Variants in TMEFF1 observed in about 807,000 individuals in gnomAD.
TMEFF1 encodes the protein transmembrane protein with EGF like and two follistatin like domains 1.
TMEFF1 carries 20 observed loss-of-function variants against 47.5 expected under a neutral mutation model. The ratio of observed to expected loss-of-function variants is 0.42; its 90% CI spans 0.30 to 0.61. The LOEUF (loss-of-function observed/expected upper bound fraction) is 0.61, where lower values mean the gene tolerates loss of function less well. Among genes scored for constraint, TMEFF1 ranks in the 20% least tolerant of loss-of-function variants. TMEFF1 has a pLI of 0.19. For missense variants in TMEFF1, 411 were observed against 471.1 expected (o/e 0.87, Z 1.18); for synonymous variants, 162 against 166.3 (o/e 0.97, Z 0.20).
At chr9:100,532,627 T>G (rs1284723197) in intron 5 of TMEFF1, among the ~76,000 whole-genome samples, 8 of 151,682 alleles carry the variant, frequency 5.3e-5, no homozygotes, top group Non-Finnish European at 8.9e-5. Context: ...GGAACACTTT[T>G]ACACTGTTGG....
At chr9:100,474,150 G>A (rs1465083271) in intron 1 of TMEFF1, among the ~76,000 whole-genome samples, 1 of 150,680 alleles carries the variant, frequency 6.6e-6, no homozygotes, top group Non-Finnish European at 1.5e-5. Context: ...TGTGCAGAGT[G>A]CGGTGGGTGG....
intron 1 of TMEFF1, among the ~76,000 whole-genome samples, chr9:100,486,083 AT>A (rs1837443027): frequency 6.8e-6 from 1 of 147,204 alleles, no homozygotes; most frequent in East Asian, 2.0e-4. Context: ...TTTTCCATGG[AT>A]TAAAAAAGGG....
chr9:100,561,602 C>A, intron 8 of TMEFF1, 82 bp downstream of exon 8: 1 of 1,401,250 alleles, frequency 7.1e-7, no homozygotes, highest in Admixed American at 2.6e-5. Context: ...GAAATGTAGA[C>A]TAAATATTAC....
At chr9:100,536,105 A>T (rs1381478895) in intron 5 of TMEFF1, among the ~76,000 whole-genome samples, 2 of 152,232 alleles carry the variant, frequency 1.3e-5, no homozygotes, top group African/African-American at 4.8e-5. Flanking sequence ...GCTCTCTCAA[A>T]TGTAGCAGTG....
rs1839084740 is a variant in TMEFF1, at chr9:100,564,510, G to A, written c.899+2990G>A. On this transcript the variant is annotated intron_variant, in intron 8 of 9. Transcript: ENST00000374879. ...AAAAAGCATACAACCTGGTGAAAGA[G>A]ACCGACAAATAAGTAATTATAATAT... is the stretch of plus-strand genomic sequence containing the variant. Among the ~76,000 whole-genome samples, 3 of 152,194 alleles carry A rather than the reference G, an allele frequency of 2.0e-5. No homozygotes were observed. The South Asian group carries it at 6.2e-4, about 32-fold the overall frequency.
At chr9:100,558,416 G>T (rs1838956174) in intron 7 of TMEFF1, among the ~76,000 whole-genome samples, 1 of 151,952 alleles carries the variant, frequency 6.6e-6, no homozygotes, top group South Asian at 2.1e-4. Flanking sequence ...GCCTGATTGG[G>T]AATGTAGAGT....
chr9:100,521,175 C>A (rs1438239171), intron 5 of TMEFF1, among the ~76,000 whole-genome samples: 1 of 152,154 alleles, frequency 6.6e-6, no homozygotes, highest in East Asian at 1.9e-4. Context: ...GAACTTTATT[C>A]ATTGTATGTG....
In TMEFF1 at chr9:100,473,827, A is replaced by G. The variant is rs1837167606; in HGVS notation, c.196+87A>G. On this transcript the variant is annotated intron_variant, in intron 1 of 9. Coordinates refer to ENST00000374879, the MANE Select transcript of TMEFF1 (RefSeq NM_003692.5). This position sits in a 1 kb window ranked among gnomAD's most constrained non-coding sequence, Gnocchi z 5.4. ...TCCCTGCGGTCGGCCGGGCTGGGAA[A>G]GACCCCGTCGTGGGGGTCCCAGGGG... The G allele has an allele frequency of 1.5e-6, 2 of 1,366,966 alleles. No homozygotes were observed. Among genetic ancestry groups the G allele is most frequent in the Non-Finnish European group, 1.9e-6 (2 of 1,053,958 alleles). The allele number at this position is 1,366,966 out of a possible 1,614,324, so 84.7% of individuals were successfully genotyped here. A position where few individuals can be genotyped will look rare whatever the true frequency, so the allele number is the denominator to read the frequency against.
At chr9:100,484,368 A>G (rs1398745356) in intron 1 of TMEFF1, among the ~76,000 whole-genome samples, 1 of 149,510 alleles carries the variant, frequency 6.7e-6, no homozygotes, top group Non-Finnish European at 1.5e-5. Context: ...CCCAGGCTGG[A>G]GTGCAATGGT....
intron 8 of TMEFF1, among the ~76,000 whole-genome samples, chr9:100,566,218 C>G (rs145544140): frequency 6.6e-6 from 1 of 152,282 alleles, no homozygotes. Context: ...AGTCCCAGTC[C>G]TCTTCTCTTA....
At chr9:100,547,658 GAAGA>G in intron 5 of TMEFF1, 82 bp from the exon 6 acceptor site, 2 of 1,334,496 alleles carry the variant, frequency 1.5e-6, no homozygotes, top group Non-Finnish European at 1.9e-6. Context: ...ACAGAAAGCA[GAAGA>G]AAGAATTGGT....
chr9:100,531,895 A>G (rs1283662555), intron 5 of TMEFF1, among the ~76,000 whole-genome samples: 6 of 150,948 alleles, frequency 4.0e-5, no homozygotes, highest in Non-Finnish European at 7.4e-5. Flanking sequence ...AAACAGAGAT[A>G]TAGATCAATG....
intron 5 of TMEFF1, among the ~76,000 whole-genome samples, chr9:100,531,759 A>C (rs1175290787): frequency 6.6e-6 from 1 of 152,200 alleles, no homozygotes; most frequent in East Asian, 1.9e-4. Flanking sequence ...TATGGAACCG[A>C]AAAAGAGCCC....
chr9:100,525,530 C>T (rs1838238926), intron 5 of TMEFF1, among the ~76,000 whole-genome samples: 1 of 152,176 alleles, frequency 6.6e-6, no homozygotes, highest in Non-Finnish European at 1.5e-5. Flanking sequence ...AAGTGCACCA[C>T]CGAGATGTGC....
At chr9:100,517,938 TCAG>T (rs1418700672) in intron 5 of TMEFF1, among the ~76,000 whole-genome samples, 9 of 152,248 alleles carry the variant, frequency 5.9e-5, no homozygotes, top group Non-Finnish European at 1.0e-4. Context: ...GGTATATGTG[TCAG>T]TATTTTTCCT....
chr9:100,517,193 A>G (rs919361120), intron 5 of TMEFF1, among the ~76,000 whole-genome samples: 1 of 152,160 alleles, frequency 6.6e-6, no homozygotes, highest in Admixed American at 6.5e-5. Flanking sequence ...ATTTATCAAC[A>G]GTCATGTTTG....
intron 5 of TMEFF1, 76 bp from the exon 6 acceptor site, chr9:100,547,668 T>C: frequency 7.4e-7 from 1 of 1,351,190 alleles, no homozygotes; most frequent in Non-Finnish European, 9.6e-7. Flanking sequence ...GAAGAAAGAA[T>C]TGGTCTTTTT....
chr9:100,537,425 G>T (rs930272990), intron 5 of TMEFF1, among the ~76,000 whole-genome samples: 1 of 152,176 alleles, frequency 6.6e-6, no homozygotes, highest in Non-Finnish European at 1.5e-5. Context: ...CTTATTACAT[G>T]TAGATTCAGA....
chr9:100,543,704 A>AAC (rs36046142), intron 5 of TMEFF1, among the ~76,000 whole-genome samples: 32,522 of 138,668 alleles, frequency 0.23, 3,753 homozygotes, highest in Admixed American at 0.31. Flanking sequence ...GATGAAGTAA[A>AAC]ACACACACAC....
Sources: allele counts gnomAD v4.1 joint callset (sites outside exome capture counted in the v4.1 genomes callset), GRCh38; gene constraint gnomAD v4.1.1; non-coding constraint Gnocchi (gnomAD v3.1); transcripts MANE v1.5; gene names NCBI Gene and HGNC (gene_info 2026-07-23, HGNC 2026-07-21).